NMD3: variants seen among roughly 807,000 people sequenced by gnomAD.
NMD3 encodes NMD3 ribosome export adaptor.
A neutral mutation model predicts 73.1 loss-of-function variants in NMD3; 47 were observed. The ratio of observed to expected loss-of-function variants is 0.64; its 90% confidence interval spans 0.51 to 0.82. The LOEUF (loss-of-function observed/expected upper bound fraction) is 0.82, where lower values mean the gene tolerates loss of function less well. Ranked by LOEUF, NMD3 falls within the 40% of genes least tolerant of loss-of-function variation. The pLI is 0.00. For synonymous variants in NMD3, 210 were observed against 194.5 expected (o/e 1.08, Z -0.66); for missense variants, 554 against 612.5 (o/e 0.90, Z 1.01).
At chr3:161,241,743 T>G (rs1490191249) in intron 10 of NMD3, among the ~76,000 whole-genome samples, 1 of 152,154 alleles carries the variant, frequency 6.6e-6, no homozygotes, top group African/African-American at 2.4e-5. Flanking sequence ...TTACCTCATT[T>G]AATTTTTGTG....
intron 2 of NMD3, among the ~76,000 whole-genome samples, chr3:161,222,719 C>T (rs1364187140): frequency 6.6e-6 from 1 of 152,098 alleles, no homozygotes; most frequent in Admixed American, 6.5e-5. Context: ...AATAAATTGG[C>T]TTCTTACCAC....
chr3:161,233,371 G>A (rs761200855), intron 4 of NMD3, 28 bp from the exon 5 acceptor site: 9 of 1,545,238 alleles, frequency 5.8e-6, no homozygotes, highest in South Asian at 1.2e-5. Flanking sequence ...GAGAACTTAC[G>A]TTTCTTTTTG....
chr3:161,243,768 G>A (rs978500507), intron 11 of NMD3, among the ~76,000 whole-genome samples: 1 of 152,190 alleles, frequency 6.6e-6, no homozygotes, highest in African/African-American at 2.4e-5. Flanking sequence ...TTTCAGAGAT[G>A]ATGCCATGTA....
Position 161,247,331 on chromosome 3 carries a change from G to T in NMD3, c.1203+1G>T, listed in dbSNP as rs1737257039. 2 of 1,600,168 alleles carry T rather than the reference G, an allele frequency of 1.2e-6. No homozygotes were observed. Among genetic ancestry groups the T allele is most frequent in the Non-Finnish European group, 1.7e-6 (2 of 1,167,770 alleles). Reference sequence around the variant, plus strand: ...GAACTCAGATAGAGTTCCAGATGTGGTAAGGCTTTAGATTTTTCCCTTTTT... The same window carrying T: ...GAACTCAGATAGAGTTCCAGATGTGTTAAGGCTTTAGATTTTTCCCTTTTT... On this transcript the variant is annotated splice_donor_variant, in intron 13 of 15. Coordinates refer to ENST00000351193, the MANE Select transcript of NMD3 (RefSeq NM_015938.5). LOFTEE classifies it high-confidence loss of function.
intron 14 of NMD3, 56 bp from the exon 15 acceptor site, chr3:161,250,196 TTAAA>T: frequency 1.2e-5 from 12 of 967,190 alleles, no homozygotes; most frequent in Non-Finnish European, 2.0e-5. Flanking sequence ...ATGAAAGTCC[TTAAA>T]TGAAGAAAAT....
chr3:161,247,221 T>A (rs1352450921), intron 12 of NMD3, 37 bp from the exon 13 acceptor site: 1 of 1,369,082 alleles, frequency 7.3e-7, no homozygotes, highest in Non-Finnish European at 1.0e-6. Flanking sequence ...ACACAAAGGG[T>A]AAATGGTCAC....
chr3:161,243,910 A>G (rs989413377), intron 11 of NMD3, among the ~76,000 whole-genome samples: 31 of 152,084 alleles, frequency 2.0e-4, no homozygotes, highest in African/African-American at 7.0e-4. Flanking sequence ...GCTTAATACT[A>G]TAATAATATG....
intron 5 of NMD3, among the ~76,000 whole-genome samples, chr3:161,234,412 C>A (rs1462650176): frequency 1.3e-5 from 2 of 148,618 alleles, no homozygotes; most frequent in Non-Finnish European, 3.0e-5. Flanking sequence ...GGGCAACAGG[C>A]AGAGTGAGAC....
intron 2 of NMD3, among the ~76,000 whole-genome samples, chr3:161,223,546 A>AC (rs1374986371): frequency 1.3e-5 from 2 of 151,808 alleles, no homozygotes; most frequent in Non-Finnish European, 2.9e-5. Context: ...ATTCTGTTAG[A>AC]AATGATTTAG....
At chr3:161,252,636 C>A, downstream of NMD3, 1 of 489,942 alleles carries the variant, frequency 2.0e-6, no homozygotes, top group South Asian at 2.8e-5. Flanking sequence ...TTGTGGGTCC[C>A]CCAGTATTCT....
At chr3:161,241,270 G>A (rs1451863163) in intron 10 of NMD3, 107 bp downstream of exon 10, 2 of 722,524 alleles carry the variant, frequency 2.8e-6, no homozygotes, top group Admixed American at 2.6e-5. Flanking sequence ...GTTTTGAAAG[G>A]TTAGTTAAAA....
chr3:161,250,457 C>A, intron 15 of NMD3, 131 bp downstream of exon 15: 2 of 597,046 alleles, frequency 3.3e-6, no homozygotes, highest in East Asian at 2.9e-5. Flanking sequence ...TCTAGTCACA[C>A]TTCTACAAAA....
intron 15 of NMD3, among the ~76,000 whole-genome samples, 166 bp from the exon 16 acceptor site, chr3:161,250,614 A>C (rs1737446110): frequency 6.6e-6 from 1 of 152,196 alleles, no homozygotes; most frequent in Admixed American, 6.5e-5. Flanking sequence ...TCATTTGTTC[A>C]GTGAATGTAA....
At chr3:161,225,856 ATATG>A (rs1261288693) in intron 3 of NMD3, among the ~76,000 whole-genome samples, 23 of 152,234 alleles carry the variant, frequency 1.5e-4, no homozygotes, top group African/African-American at 4.8e-4. Context: ...GTAAAAATAT[ATATG>A]TGTGTGTGTG....
chr3:161,243,581 CA>C (rs1737076533), intron 11 of NMD3, among the ~76,000 whole-genome samples: 3 of 151,980 alleles, frequency 2.0e-5, no homozygotes, highest in Non-Finnish European at 4.4e-5. Context: ...GTTATGATAC[CA>C]ACTTCCTTAG....
chr3:161,233,374 T>C, intron 4 of NMD3, 25 bp from the exon 5 acceptor site: 1 of 1,567,830 alleles, frequency 6.4e-7, no homozygotes, highest in South Asian at 1.1e-5. Flanking sequence ...AACTTACGTT[T>C]CTTTTTGTTT....
At chr3:161,226,327 G>A (rs950464672) in intron 3 of NMD3, among the ~76,000 whole-genome samples, 3 of 151,776 alleles carry the variant, frequency 2.0e-5, no homozygotes, top group South Asian at 2.1e-4. Flanking sequence ...GGTGGGGCAC[G>A]CATGTAATCC....
chr3:161,241,650 A>G (rs1187271063), intron 10 of NMD3, among the ~76,000 whole-genome samples: 1 of 151,926 alleles, frequency 6.6e-6, no homozygotes, highest in Admixed American at 6.6e-5. Context: ...TGAACTCCTG[A>G]CCTCGTGATC....
chr3:161,238,226 G>A, intron 8 of NMD3, 35 bp downstream of exon 8: 1 of 1,325,092 alleles, frequency 7.5e-7, no homozygotes, highest in South Asian at 1.3e-5. Context: ...CTAAATCTAA[G>A]GACTTGGGAA....
Sources: allele counts gnomAD v4.1 joint callset (sites outside exome capture counted in the v4.1 genomes callset), GRCh38; gene constraint gnomAD v4.1.1; transcripts MANE v1.5; gene names NCBI Gene and HGNC (gene_info 2026-07-23, HGNC 2026-07-21).